Variants in RERE observed in about 807,000 individuals in gnomAD.
RERE encodes arginine-glutamic acid dipeptide repeats protein.
A neutral mutation model predicts 146.1 loss-of-function variants in RERE; 40 were observed. The observed-to-expected ratio is 0.27, with a 90% CI of 0.21 to 0.36. The LOEUF is 0.36. RERE is among the 10% of genes least tolerant of loss of function. The pLI, the probability that RERE is intolerant of heterozygous loss-of-function variation, is 1.00. For synonymous variants in RERE, 1,003 were observed against 866.0 expected (o/e 1.16, Z -2.78); for missense variants, 1,933 against 2,138.7 (o/e 0.90, Z 1.90).
intron 12 of RERE, among the ~76,000 whole-genome samples, chr1:8,382,204 G>C (rs1013167624): frequency 1.3e-5 from 2 of 152,244 alleles, no homozygotes; most frequent in Admixed American, 6.5e-5. Context: ...ATGCTGCTAG[G>C]CTCTTAACAA....
At chr1:8,416,976 C>T (rs903727263) in intron 12 of RERE, among the ~76,000 whole-genome samples, 1 of 152,088 alleles carries the variant, frequency 6.6e-6, no homozygotes, top group African/African-American at 2.4e-5. Flanking sequence ...GGATAGACAA[C>T]GTTTGTAGAA....
In RERE at chr1:8,557,463, C is replaced by A; in HGVS notation, c.583G>T (p.Asp195Tyr). The A allele has an allele frequency of 1.2e-6, 2 of 1,613,576 alleles. No homozygotes were observed. The highest frequency in any genetic ancestry group is 1.7e-6 in the Non-Finnish European group (2 of 1,179,472). ...TGAACCAAATGCTGATACACAGAAT[C>A]TGGAACCTCAGATTGACGGTAGTAC... is the stretch of plus-strand genomic sequence containing the variant. ...KWYYRQSEVP[D>Y]SVYQHLVQDR... Residue 195 changes from aspartate to tyrosine, a missense_variant, in exon 5 of 23, where the codon GAT becomes TAT. By Grantham distance (160) the Asp-to-Tyr change is radical. Transcript: ENST00000400908.
rs1293703938 is a variant in RERE, at chr1:8,817,620, G to T, written c.-605C>A. On this transcript the variant is annotated 5_prime_UTR_variant, in exon 1 of 23. Coordinates refer to ENST00000400908, the MANE Select transcript of RERE (RefSeq NM_001042681.2). ...GAGGCTGAGGAGGCTCCGGAGCGCG[G>T]AGGGTTGCTCGCGAGCGTCTGTGGG... The T allele has an allele frequency of 6.6e-6, 1 of 151,524 alleles. No homozygotes were observed. The highest frequency in any genetic ancestry group is 1.5e-5 in the Non-Finnish European group (1 of 67,844). The allele number at this position is 151,524 out of a possible 1,614,324, so 9.4% of individuals were successfully genotyped here.
chr1:8,730,106 A>G (rs554829276), intron 1 of RERE, among the ~76,000 whole-genome samples: 1 of 152,362 alleles, frequency 6.6e-6, no homozygotes, highest in African/African-American at 2.4e-5. Flanking sequence ...AGATCCCAGA[A>G]TGAACTTGAG....
At chr1:8,692,846 T>C (rs946626377) in intron 1 of RERE, among the ~76,000 whole-genome samples, 18 of 152,326 alleles carry the variant, frequency 1.2e-4, no homozygotes, top group African/African-American at 4.3e-4. Context: ...ACCAGAATTA[T>C]GCCCATTTAA....
At position 8,355,556 on chromosome 1, in the gene RERE, G is replaced by T. The variant is rs778213222; in HGVS notation, c.4530C>A (p.Pro1510=). 7 of 1,604,512 alleles carry T rather than the reference G, an allele frequency of 4.4e-6. No homozygotes were observed. Among genetic ancestry groups the T allele is most frequent in the African/African-American group, 1.3e-5 (1 of 74,940 alleles). ...CCTGCAGCTGGTGGGCTGCTGACATGGGGGGTGGGATGGCCCCAGGCAGGT... is the reference window on the plus strand; with the variant it reads ...CCTGCAGCTGGTGGGCTGCTGACATTGGGGGTGGGATGGCCCCAGGCAGGT... ...PRDLPGAIPP[P]MSAAHQLQAM... is the part of the protein sequence containing the mutation. Residue 1510 remains proline (P), a synonymous_variant, in exon 22 of 23, where the codon CCC becomes CCA. Coordinates refer to ENST00000400908, the MANE Select transcript of RERE (RefSeq NM_001042681.2).
At chr1:8,355,788 T>C (rs1382522561) in intron 21 of RERE, among the ~76,000 whole-genome samples, 189 bp from the exon 22 acceptor site, 3 of 151,936 alleles carry the variant, frequency 2.0e-5, no homozygotes, top group Non-Finnish European at 4.4e-5. Flanking sequence ...TGCCCTTGGG[T>C]GCCTCTGCCT....
chr1:8,480,232 C>T (rs533070363), intron 10 of RERE, among the ~76,000 whole-genome samples: 2 of 150,510 alleles, frequency 1.3e-5, no homozygotes, highest in South Asian at 2.1e-4. Flanking sequence ...CTCCGCCTCC[C>T]GGGTTCAAGC....
In RERE at chr1:8,694,410, A is replaced by G. The variant is rs1313171330; in HGVS notation, c.-144-37969T>C. On this transcript the variant is annotated intron_variant, in intron 1 of 22. Coordinates refer to ENST00000400908, the MANE Select transcript of RERE (RefSeq NM_001042681.2). ...AAAGAAAGAAAATAACTAGGAATAC[A>G]CCTAACCAAGGAGGGGGAAAATCTC... is the stretch of plus-strand genomic sequence containing the variant. 2.6e-5 allele frequency among the ~76,000 whole-genome samples: 4 copies of G among 152,280 alleles called. No homozygotes were observed. In the South Asian group the frequency reaches 8.3e-4, roughly 32 times the overall value.
intron 1 of RERE, among the ~76,000 whole-genome samples, chr1:8,752,195 C>A (rs774284326): frequency 1.3e-5 from 2 of 151,920 alleles, no homozygotes; most frequent in Non-Finnish European, 2.9e-5. Context: ...TGCTGCTACT[C>A]TTCAAATGGA....
intron 12 of RERE, among the ~76,000 whole-genome samples, chr1:8,405,965 GT>G (rs1643426404): frequency 6.6e-6 from 1 of 152,022 alleles, no homozygotes; most frequent in African/African-American, 2.4e-5. Flanking sequence ...AAATTTTTCT[GT>G]GTTTTCAAGG....
At chr1:8,378,837 C>T (rs1642350874) in intron 12 of RERE, among the ~76,000 whole-genome samples, 1 of 152,198 alleles carries the variant, frequency 6.6e-6, no homozygotes, top group Non-Finnish European at 1.5e-5. Flanking sequence ...GAAGTGAGGC[C>T]TGCTGAATGA....
intron 1 of RERE, among the ~76,000 whole-genome samples, chr1:8,657,822 G>A (rs1457655082): frequency 6.6e-6 from 1 of 152,186 alleles, no homozygotes; most frequent in Non-Finnish European, 1.5e-5. Context: ...ACTCCAGTCT[G>A]GGCAAAAGAC....
chr1:8,446,227 C>T (rs530719650), intron 11 of RERE, among the ~76,000 whole-genome samples: 6 of 152,198 alleles, frequency 3.9e-5, no homozygotes, highest in African/African-American at 1.2e-4. Context: ...TGCAGAGATC[C>T]GCTGATAGTC....
intron 1 of RERE, among the ~76,000 whole-genome samples, chr1:8,813,516 T>C (rs558621800): frequency 2.1e-4 from 32 of 152,282 alleles, no homozygotes; most frequent in African/African-American, 7.5e-4. Flanking sequence ...TTCTTATATG[T>C]GTGTTTTTAC....
At chr1:8,461,574 C>T (rs997393606) in intron 11 of RERE, among the ~76,000 whole-genome samples, 1 of 152,162 alleles carries the variant, frequency 6.6e-6, no homozygotes, top group African/African-American at 2.4e-5. Context: ...CACATTTTGG[C>T]TTCAGTTCAA....
chr1:8,694,890 G>A (rs1008861017), intron 1 of RERE, among the ~76,000 whole-genome samples: 1 of 139,048 alleles, frequency 7.2e-6, no homozygotes, highest in African/African-American at 2.7e-5. Context: ...AACTACTAAT[G>A]TCATTTTTCA....
intron 1 of RERE, among the ~76,000 whole-genome samples, chr1:8,702,131 T>C (rs1315502797): frequency 6.6e-6 from 1 of 151,704 alleles, no homozygotes; most frequent in African/African-American, 2.4e-5. Context: ...GTGAGGACTT[T>C]GTTAAATCTG....
intron 10 of RERE, among the ~76,000 whole-genome samples, chr1:8,479,001 T>C (rs928240431): frequency 6.6e-6 from 1 of 152,244 alleles, no homozygotes; most frequent in African/African-American, 2.4e-5. Flanking sequence ...CCCTATTTTA[T>C]AAATCAAATG....
Sources: allele counts gnomAD v4.1 joint callset (sites outside exome capture counted in the v4.1 genomes callset), GRCh38; gene constraint gnomAD v4.1.1; transcripts MANE v1.5; gene names NCBI Gene and HGNC (gene_info 2026-07-23, HGNC 2026-07-21).